Variants in GLE1 observed in about 807,000 individuals in gnomAD.
GLE1 encodes the protein GLE1 RNA export mediator, also known as mRNA export factor GLE1.
A neutral mutation model predicts 97.3 loss-of-function variants in GLE1; 78 were observed. That is an observed-to-expected ratio of 0.80 (90% CI 0.67 to 0.97). GLE1 has a LOEUF of 0.97. Ranked by LOEUF, GLE1 falls within the 50% of genes least tolerant of loss-of-function variation. The pLI, the probability that GLE1 is intolerant of heterozygous loss-of-function variation, is 0.00. For synonymous variants in GLE1, 302 were observed against 313.4 expected (o/e 0.96, Z 0.39); for missense variants, 753 against 857.5 (o/e 0.88, Z 1.52).
In GLE1 at chr9:128,525,224, G is replaced by T; in HGVS notation, c.930G>T (p.Glu310Asp). 1.2e-6 allele frequency: 2 copies of T among 1,614,034 alleles called. No homozygotes were observed. The highest frequency in any genetic ancestry group is 1.7e-6 in the Non-Finnish European group (2 of 1,179,922). ...ATCCCACAGCAGAGAGTCAAGCTGA[G>T]GCTGAGCGAGCTCTGCGGGAAATGC... ...SSYPTAESQAEAERALREMRD... is the reference protein window; with the variant it reads ...SSYPTAESQADAERALREMRD... The change falls in exon 7 of 16, where the codon GAG becomes GAT. Residue 310 changes from glutamate to aspartate, a missense_variant. Physicochemically the swap from Glu to Asp is conservative, Grantham distance 45. Transcript: ENST00000309971.
chr9:128,506,793 T>C (rs1846652285), intron 1 of GLE1, among the ~76,000 whole-genome samples: 1 of 152,254 alleles, frequency 6.6e-6, no homozygotes, highest in South Asian at 2.1e-4. Flanking sequence ...GACTTCATAC[T>C]GATAAATGCC....
Position 128,542,025 on chromosome 9 carries a change from A to C in GLE1, c.*855A>C, listed in dbSNP as rs183071389. 1.3e-5 allele frequency: 2 copies of C among 152,358 alleles called. No homozygotes were observed. The highest frequency in any genetic ancestry group is 4.8e-5 in the African/African-American group (2 of 41,574). The allele number at this position is 152,358 out of a possible 1,614,324, so 9.4% of individuals were successfully genotyped here. A position where few individuals can be genotyped will look rare whatever the true frequency, so the allele number is the denominator to read the frequency against. On this transcript the variant is annotated 3_prime_UTR_variant, in exon 16 of 16. Coordinates refer to ENST00000309971, the MANE Select transcript of GLE1 (RefSeq NM_001003722.2). ...TGGGCAGGAACTGAACACTGCTAAT[A>C]TGATGATAAATATGCCTGACTAAAG...
intron 12 of GLE1, among the ~76,000 whole-genome samples, chr9:128,537,569 C>T (rs1253487528): frequency 4.0e-5 from 6 of 151,602 alleles, no homozygotes; most frequent in East Asian, 3.9e-4. Flanking sequence ...TTTAGGAAGC[C>T]GAGACAGGTG....
Position 128,504,846 on chromosome 9 carries a change from T to C in GLE1, c.41T>C (p.Leu14Pro). 6.2e-7 allele frequency: 1 copy of C among 1,613,628 alleles called. No individual in the cohort carries two copies. The highest frequency in any genetic ancestry group is 8.5e-7 in the Non-Finnish European group (1 of 1,179,536). ...CGCTGCTGGGAGACCTTGAAGGCCC[T>C]ACGCAGTTCCGACAAAGGTCGCCTT... ...EGRCWETLKALRSSDKGRLCY... is the reference protein window; with the variant it reads ...EGRCWETLKAPRSSDKGRLCY... Residue 14 changes from leucine to proline, a missense_variant, in exon 1 of 16, where the codon CTA (leucine) becomes CCA (proline). Physicochemically the swap from Leu to Pro is moderately conservative, Grantham distance 98. Transcript: ENST00000309971.
intron 13 of GLE1, among the ~76,000 whole-genome samples, chr9:128,538,989 GACAGCCTT>G (rs1297860953): frequency 1.3e-5 from 2 of 151,940 alleles, no homozygotes; most frequent in African/African-American, 4.8e-5. Context: ...TGCAGTGGCT[GACAGCCTT>G]TGGGAGGCCA....
Position 128,532,164 on chromosome 9 carries a change from G to C in GLE1, c.1313-1349G>C, listed in dbSNP as rs376266399. On this transcript the variant is annotated intron_variant, in intron 9 of 15. Coordinates refer to ENST00000309971, the MANE Select transcript of GLE1 (RefSeq NM_001003722.2). ...GAGATGCTGTATTAATTAAAACATT[G>C]ACTTCAGGACTTCAGGTAATGGAAA... Among the ~76,000 whole-genome samples, 34 of 143,856 alleles carry C rather than the reference G, an allele frequency of 2.4e-4. No homozygotes were observed. In the East Asian group the frequency reaches 6.1e-3, roughly 26 times the overall value. The allele number at this position is 143,856 out of a possible 152,430, so 94.4% of individuals were successfully genotyped here.
Position 128,525,376 on chromosome 9 carries a change from A to G in GLE1, c.1082A>G (p.Lys361Arg), listed in dbSNP as rs751900402. The change falls in exon 7 of 16, where the codon AAA becomes AGA. Residue 361 changes from lysine (K) to arginine (R), a missense_variant. By Grantham distance (26) the Lys-to-Arg change is conservative (BLOSUM62 2). Coordinates refer to ENST00000309971, the MANE Select transcript of GLE1 (RefSeq NM_001003722.2). ...AQMQQGPEAHKEPPAPSQGPG... is the reference protein window; with the variant it reads ...AQMQQGPEAHREPPAPSQGPG... ...ATGCAGCAGGGACCAGAGGCCCACA[A>G]AGAGCCCCCAGCTCCCAGCCAGGGC... 5.0e-6 allele frequency: 8 copies of G among 1,612,090 alleles called. No individual in the cohort carries two copies. The highest frequency in any genetic ancestry group is 6.8e-6 in the Non-Finnish European group (8 of 1,179,106).
chr9:128,528,552 C>T (rs1847381047), intron 9 of GLE1, among the ~76,000 whole-genome samples: 1 of 152,170 alleles, frequency 6.6e-6, no homozygotes, highest in South Asian at 2.1e-4. Flanking sequence ...ATCCGCCCGC[C>T]TCAGCTTCCC....
At chr9:128,517,982 C>T (rs1449426001) in intron 3 of GLE1, among the ~76,000 whole-genome samples, 2 of 151,984 alleles carry the variant, frequency 1.3e-5, no homozygotes, top group African/African-American at 4.8e-5. Context: ...ATCTAAAGAT[C>T]CTTATTGCTA....
chr9:128,511,570 T>G (rs1261290955), intron 2 of GLE1, among the ~76,000 whole-genome samples: 2 of 150,524 alleles, frequency 1.3e-5, no homozygotes, highest in African/African-American at 2.4e-5. Flanking sequence ...ATTAGGCGAG[T>G]TGGCGGGCAC....
intron 6 of GLE1, 91 bp from the exon 7 acceptor site, chr9:128,525,101 A>G: frequency 4.4e-6 from 4 of 918,122 alleles, no homozygotes; most frequent in East Asian, 2.5e-5. Context: ...CATTGGTGCA[A>G]CAATTCCAAT....
At chr9:128,513,080 C>T (rs1028663443) in intron 2 of GLE1, among the ~76,000 whole-genome samples, 2 of 152,026 alleles carry the variant, frequency 1.3e-5, no homozygotes, top group African/African-American at 4.8e-5. Flanking sequence ...TAAGAAAAAC[C>T]CAGTTTGGCT....
rs374234797 is a variant in GLE1, at chr9:128,538,095, G to A, written c.1881+5G>A. 3.4e-5 allele frequency: 51 copies of A among 1,500,796 alleles called. 3 individuals carry two copies. Among genetic ancestry groups the A allele is most frequent in the Admixed American group, 1.7e-4 (10 of 59,740 alleles). 93.0% of individuals were successfully genotyped at this position (1,500,796 alleles called of 1,614,324 possible). On this transcript the variant is annotated splice_donor_5th_base_variant and intron_variant, in intron 13 of 15. Transcript: ENST00000309971. Reference sequence around the variant, plus strand: ...CTCCTCTTTGACTTCCTGGAGGTACGTAACTCAGTTATCACACAAGAGAAG... The same window carrying A: ...CTCCTCTTTGACTTCCTGGAGGTACATAACTCAGTTATCACACAAGAGAAG...
intron 3 of GLE1, 91 bp downstream of exon 3, chr9:128,515,730 A>G: frequency 1.4e-6 from 1 of 737,140 alleles, no homozygotes; most frequent in Non-Finnish European, 2.5e-6. Flanking sequence ...ACTGTATGCT[A>G]CTCATCCTTC....
At chr9:128,509,598 A>C (rs1846744044) in intron 2 of GLE1, among the ~76,000 whole-genome samples, 1 of 151,450 alleles carries the variant, frequency 6.6e-6, no homozygotes, top group African/African-American at 2.4e-5. Context: ...CACTAGAGAG[A>C]GAACTATTTT....
Position 128,536,466 on chromosome 9 carries a change from A to ATAT in GLE1, c.1759_1761dup (p.Tyr587dup). ...CTGCTATCATCCAGCTCCGGTGGCCATATGGAAACCGACAGGAGGTAGGTA... is the reference window on the plus strand; with the variant it reads ...CTGCTATCATCCAGCTCCGGTGGCCATATTATGGAAACCGACAGGAGGTAGGTA... On this transcript the variant is annotated inframe_insertion, in exon 12 of 16. Transcript: ENST00000309971. 6.2e-7 allele frequency: 1 copy of ATAT among 1,613,954 alleles called. No homozygotes were observed. The highest frequency in any genetic ancestry group is 8.5e-7 in the Non-Finnish European group (1 of 1,179,852).
rs1318055916 is a variant in GLE1 at position 128,536,428 on chromosome 9, A to G, written c.1720A>G (p.Ile574Val). 6.2e-7 allele frequency: 1 copy of G among 1,614,068 alleles called. No individual in the cohort carries two copies. The highest frequency in any genetic ancestry group is 1.7e-5 in the Admixed American group (1 of 60,008). The part of the protein sequence containing the change: ...DNFLKRMSGM[I>V]RLYAAIIQLR... Reference sequence around the variant, plus strand: ...CTTTCTAAAACGCATGTCAGGGATGATCCGTCTCTACGCTGCTATCATCCA... The same window carrying G: ...CTTTCTAAAACGCATGTCAGGGATGGTCCGTCTCTACGCTGCTATCATCCA... The change falls in exon 12 of 16, where the codon ATC (isoleucine) becomes GTC (valine). Residue 574 changes from isoleucine to valine, a missense_variant. Physicochemically the swap from Ile to Val is conservative, Grantham distance 29 (BLOSUM62 3). Transcript: ENST00000309971.
At chr9:128,527,910 G>T (rs2132475994) in intron 9 of GLE1, among the ~76,000 whole-genome samples, 1 of 148,248 alleles carries the variant, frequency 6.7e-6, no homozygotes, top group South Asian at 2.2e-4. Flanking sequence ...ATTGCAGTGA[G>T]CCGAGATCAC....
rs1847773614 is a variant in GLE1 at position 128,538,044 on chromosome 9, A to T, written c.1835A>T (p.Glu612Val). ...TGGTTGGCACAGATCTTAAACATGG[A>T]GCCCTTGTCAGATGTGACAGCCACC... ...WRWLAQILNM[E>V]PLSDVTATLL... is the part of the protein sequence containing the mutation. The change falls in exon 13 of 16, where the codon GAG (glutamate) becomes GTG (valine). Residue 612 changes from glutamate (E) to valine (V), a missense_variant. Transcript: ENST00000309971. 3 of 1,612,596 alleles carry T rather than the reference A, an allele frequency of 1.9e-6. No homozygotes were observed. The highest frequency in any genetic ancestry group is 1.7e-6 in the Non-Finnish European group (2 of 1,178,628).
Sources: allele counts gnomAD v4.1 joint callset (sites outside exome capture counted in the v4.1 genomes callset), GRCh38; gene constraint gnomAD v4.1.1; transcripts MANE v1.5; gene names NCBI Gene and HGNC (gene_info 2026-07-23, HGNC 2026-07-21).